Variants in PLD5 observed in about 807,000 individuals in gnomAD.
PLD5 encodes the protein inactive phospholipase D5.
In PLD5, 36 loss-of-function variants were observed where a neutral mutation model predicts 61.1. The observed-to-expected ratio is 0.59, with a 90% CI of 0.45 to 0.78. PLD5 has a LOEUF of 0.78. PLD5 is among the 30% of genes least tolerant of loss of function. PLD5 has a pLI of 0.00. For synonymous variants in PLD5, 243 were observed against 242.8 expected (o/e 1.00, Z -0.01); for missense variants, 515 against 644.4 (o/e 0.80, Z 2.17).
At chr1:242,347,091 G>A (rs553403573) in intron 2 of PLD5, among the ~76,000 whole-genome samples, 1 of 152,286 alleles carries the variant, frequency 6.6e-6, no homozygotes, top group African/African-American at 2.4e-5. Context: ...TGCTCTGTAT[G>A]TAATACCTGT....
chr1:242,361,283 T>C (rs1379535181), intron 1 of PLD5, among the ~76,000 whole-genome samples: 1 of 152,208 alleles, frequency 6.6e-6, no homozygotes, highest in Non-Finnish European at 1.5e-5. Flanking sequence ...AAATATCTCC[T>C]TGGAACAATG....
chr1:242,348,947 T>G (rs531616931), intron 1 of PLD5, among the ~76,000 whole-genome samples: 14 of 152,068 alleles, frequency 9.2e-5, no homozygotes, highest in South Asian at 6.2e-4. Context: ...CCAGCTACTC[T>G]GGAGGCTGAG....
chr1:242,420,350 A>G (rs1665071638), intron 1 of PLD5, among the ~76,000 whole-genome samples: 1 of 152,090 alleles, frequency 6.6e-6, no homozygotes, highest in Non-Finnish European at 1.5e-5. Flanking sequence ...CCTGCTGGGA[A>G]TGGTTTCTGG....
intron 6 of PLD5, among the ~76,000 whole-genome samples, chr1:242,119,642 C>T (rs1574333774): frequency 6.6e-6 from 1 of 152,134 alleles, no homozygotes; most frequent in Non-Finnish European, 1.5e-5. Context: ...ACATTTTATA[C>T]CCTCTAGTAG....
At chr1:242,367,935 T>C (rs1453863929) in intron 1 of PLD5, among the ~76,000 whole-genome samples, 3 of 152,148 alleles carry the variant, frequency 2.0e-5, no homozygotes, top group Non-Finnish European at 4.4e-5. Flanking sequence ...TGGATACAAC[T>C]TGAAAGTAAA....
At chr1:242,459,639 A>G (rs1667054089) in intron 1 of PLD5, among the ~76,000 whole-genome samples, 1 of 152,230 alleles carries the variant, frequency 6.6e-6, no homozygotes, top group Non-Finnish European at 1.5e-5. Flanking sequence ...TTGTAAATAC[A>G]AAATTGCACG....
At chr1:242,403,320 CTT>C (rs760487272) in intron 1 of PLD5, among the ~76,000 whole-genome samples, 2 of 152,190 alleles carry the variant, frequency 1.3e-5, no homozygotes, top group Non-Finnish European at 2.9e-5. Flanking sequence ...CCCCAGGTGT[CTT>C]TTGCTTTCTC....
chr1:242,435,548 T>A (rs1417318209), intron 1 of PLD5, among the ~76,000 whole-genome samples: 1 of 152,180 alleles, frequency 6.6e-6, no homozygotes, highest in East Asian at 1.9e-4. Flanking sequence ...AGGCCTAAGT[T>A]ATAGCACTGT....
chr1:242,500,940 T>C (rs576436800), intron 1 of PLD5, among the ~76,000 whole-genome samples: 1 of 152,352 alleles, frequency 6.6e-6, no homozygotes, highest in East Asian at 1.9e-4. Flanking sequence ...CATATCCACA[T>C]ACCACCTAGA....
chr1:242,311,164 T>C (rs943220225), intron 2 of PLD5, among the ~76,000 whole-genome samples: 3 of 152,186 alleles, frequency 2.0e-5, no homozygotes, highest in African/African-American at 4.8e-5. Context: ...TAACCAATTA[T>C]TAGTTTAGGT....
chr1:242,466,282 G>A (rs1290610125), intron 1 of PLD5, among the ~76,000 whole-genome samples: 5 of 152,004 alleles, frequency 3.3e-5, no homozygotes, highest in Admixed American at 6.6e-5. Flanking sequence ...GGTGTGTAGC[G>A]CTGGCATACA....
chr1:242,348,067 C>T, intron 2 of PLD5, 39 bp downstream of exon 2: 1 of 1,603,972 alleles, frequency 6.2e-7, no homozygotes, highest in Middle Eastern at 1.7e-4. Context: ...GATTTCTTGC[C>T]CGCCCCCTAA....
At position 242,100,731 on chromosome 1, in the gene PLD5, T is replaced by C; in HGVS notation, c.1291A>G (p.Asn431Asp). 6.2e-7 allele frequency: 1 copy of C among 1,614,138 alleles called. No homozygotes were observed. Among genetic ancestry groups the C allele is most frequent in the Non-Finnish European group, 8.5e-7 (1 of 1,180,024 alleles). ...CGATTTAACCTAGGAAAGGTGTGAT[T>C]CTTTTGTTCTTTTGTAGCACAAGCA... ...ENACATKEQK[N>D]HTFPRLNRNK... The change falls in exon 9 of 10, where the codon AAT becomes GAT. Residue 431 changes from asparagine (N) to aspartate (D), a missense_variant. Around this residue, in one of 2 missense-constraint regions of PLD5, gnomAD observed 450 missense variants for 598.1 expected, o/e 0.75. Coordinates refer to ENST00000536534, the MANE Select transcript of PLD5 (RefSeq NM_001372062.1).
rs1045026584 is a variant in PLD5 at position 242,086,729 on chromosome 1, G to C, written c.*3125C>G. ...AGAGAGAAGTGTTCTCATAGAATAA[G>C]TCATTGTTTAAAATCAACACTTGAG... On this transcript the variant is annotated 3_prime_UTR_variant, in exon 10 of 10. Transcript: ENST00000536534. The C allele has an allele frequency of 6.6e-5, 10 of 152,188 alleles. 1 individual carries two copies. The highest frequency in any genetic ancestry group is 5.9e-4 in the Admixed American group (9 of 15,276). 9.4% of individuals were successfully genotyped at this position (152,188 alleles called of 1,614,324 possible).
In PLD5 at chr1:242,487,717, A is replaced by C. The variant is rs530050675; in HGVS notation, c.189+36371T>G. 1.1e-3 allele frequency among the ~76,000 whole-genome samples: 166 copies of C among 152,318 alleles called. 3 individuals carry two copies. Among genetic ancestry groups the C allele is most frequent in the African/African-American group, 3.9e-3 (163 of 41,582 alleles). ...TGATAACAACCAACCAAATTTTAAA[A>C]TGAGCAAAAGATCTGAACAGATACC... On this transcript the variant is annotated intron_variant, in intron 1 of 9. Transcript: ENST00000536534.
chr1:242,406,633 G>A (rs1664248719), intron 1 of PLD5, among the ~76,000 whole-genome samples: 1 of 152,216 alleles, frequency 6.6e-6, no homozygotes, highest in Non-Finnish European at 1.5e-5. Context: ...AACCAGCTCT[G>A]ACATTAGTTC....
chr1:242,169,482 G>T (rs1394997279), intron 5 of PLD5, among the ~76,000 whole-genome samples: 4 of 152,104 alleles, frequency 2.6e-5, no homozygotes, highest in African/African-American at 9.6e-5. Flanking sequence ...CCCCACAAGG[G>T]CCCTGGGTTT....
chr1:242,144,904 C>T (rs1334433443), intron 5 of PLD5, among the ~76,000 whole-genome samples: 1 of 152,130 alleles, frequency 6.6e-6, no homozygotes, highest in Non-Finnish European at 1.5e-5. Flanking sequence ...AGTTGTAGTA[C>T]ATTTGGGAAC....
chr1:242,269,828 T>C (rs1673947623), intron 3 of PLD5, among the ~76,000 whole-genome samples: 1 of 152,062 alleles, frequency 6.6e-6, no homozygotes, highest in African/African-American at 2.4e-5. Flanking sequence ...CCATCATTTT[T>C]ACGCAATTAG....
Sources: allele counts gnomAD v4.1 joint callset (sites outside exome capture counted in the v4.1 genomes callset), GRCh38; gene constraint gnomAD v4.1.1; regional missense constraint gnomAD v4.1.1; transcripts MANE v1.5; gene names NCBI Gene and HGNC (gene_info 2026-07-23, HGNC 2026-07-21).